RGS7: variants seen among roughly 807,000 people sequenced by gnomAD.
RGS7 encodes the protein regulator of G protein signaling 7, also known as regulator of G-protein signaling 7.
A neutral mutation model predicts 81.1 loss-of-function variants in RGS7; 27 were observed. The observed-to-expected ratio is 0.33, with a 90% CI of 0.25 to 0.46. RGS7 has a LOEUF of 0.46. Among genes scored for constraint, RGS7 ranks in the 20% least tolerant of loss-of-function variants. RGS7 has a pLI of 1.00. For missense variants in RGS7, 396 were observed against 607.4 expected (o/e 0.65, Z 3.66); for synonymous variants, 208 against 207.7 (o/e 1.00, Z -0.01).
intron 18 of RGS7, among the ~76,000 whole-genome samples, chr1:240,794,429 T>C (rs1686645835): frequency 6.6e-6 from 1 of 152,230 alleles, no homozygotes; most frequent in African/African-American, 2.4e-5. Context: ...ATGATATCAA[T>C]GTAGCAGATG....
At chr1:241,259,024 G>A (rs560000654) in intron 2 of RGS7, among the ~76,000 whole-genome samples, 2 of 152,124 alleles carry the variant, frequency 1.3e-5, no homozygotes, top group African/African-American at 2.4e-5. Context: ...ACAGGTATGC[G>A]CCCCAGTTCC....
chr1:241,352,219 T>C (rs776910972), intron 2 of RGS7, among the ~76,000 whole-genome samples: 4 of 152,212 alleles, frequency 2.6e-5, no homozygotes, highest in Non-Finnish European at 5.9e-5. Flanking sequence ...CCTCTACAGA[T>C]TCTTCAAGAA....
At chr1:241,016,608 C>T (rs750157336) in intron 3 of RGS7, among the ~76,000 whole-genome samples, 4 of 151,374 alleles carry the variant, frequency 2.6e-5, no homozygotes, top group Non-Finnish European at 5.9e-5. Context: ...CAAAAGAAAA[C>T]AAGTACCAGA....
At chr1:241,109,545 A>T (rs1163408645) in intron 2 of RGS7, among the ~76,000 whole-genome samples, 2 of 152,098 alleles carry the variant, frequency 1.3e-5, no homozygotes, top group African/African-American at 4.8e-5. Flanking sequence ...TATCTGTGGC[A>T]TGGTCCATGA....
chr1:240,862,620 C>T (rs1325732160), intron 9 of RGS7, among the ~76,000 whole-genome samples: 1 of 151,932 alleles, frequency 6.6e-6, no homozygotes, highest in East Asian at 1.9e-4. Context: ...GAAAAACATT[C>T]AACAAAAATG....
At chr1:240,955,551 C>CAAAAAAAAAAAAAAAAAAAAAA (rs369155474) in intron 4 of RGS7, among the ~76,000 whole-genome samples, 25 of 140,284 alleles carry the variant, frequency 1.8e-4, no homozygotes, top group Non-Finnish European at 2.6e-4. Context: ...GACTCTGTCT[C>CAAAAAAAAAAAAAAAAAAAAAA]AAAAAAAAAA....
At chr1:240,895,472 G>A (rs187371832) in intron 6 of RGS7, among the ~76,000 whole-genome samples, 1 of 151,882 alleles carries the variant, frequency 6.6e-6, no homozygotes, top group East Asian at 1.9e-4. Context: ...GGTGTGTGAT[G>A]TTCCCCATCC....
chr1:241,220,987 AAGGAAGGAAGAG>A (rs2074900326), intron 2 of RGS7, among the ~76,000 whole-genome samples: 2 of 60,108 alleles, frequency 3.3e-5, no homozygotes, highest in Admixed American at 3.1e-4. Context: ...GGAAGGAAGG[AAGGAAGGAAGAG>A]AGAGAGAAAG....
At chr1:240,803,115 G>A in intron 15 of RGS7, 122 bp from the exon 16 acceptor site, 2 of 716,540 alleles carry the variant, frequency 2.8e-6, no homozygotes, top group South Asian at 1.5e-5. Context: ...TAACAATGCT[G>A]ATTAGAATAC....
chr1:241,208,807 C>T (rs1261059610), intron 2 of RGS7, among the ~76,000 whole-genome samples: 5 of 152,086 alleles, frequency 3.3e-5, no homozygotes, highest in Non-Finnish European at 7.4e-5. Context: ...ACAAAGGTTT[C>T]GTAAGAGAAA....
At chr1:241,139,956 T>C (rs1364037899) in intron 2 of RGS7, among the ~76,000 whole-genome samples, 2 of 152,236 alleles carry the variant, frequency 1.3e-5, no homozygotes, top group African/African-American at 4.8e-5. Flanking sequence ...TTTTAGAGAA[T>C]GGCACCCAAT....
chr1:241,162,053 G>C (rs981576664), intron 2 of RGS7, among the ~76,000 whole-genome samples: 1 of 152,094 alleles, frequency 6.6e-6, no homozygotes, highest in Non-Finnish European at 1.5e-5. Flanking sequence ...CTAGGCAGAC[G>C]TGAGCAGGTC....
At chr1:240,951,819 A>G (rs1283325786) in intron 4 of RGS7, among the ~76,000 whole-genome samples, 1 of 152,020 alleles carries the variant, frequency 6.6e-6, no homozygotes, top group African/African-American at 2.4e-5. Flanking sequence ...AAATAACAAA[A>G]AAATCTAAAT....
intron 2 of RGS7, among the ~76,000 whole-genome samples, chr1:241,229,672 C>T (rs1007616958): frequency 2.6e-5 from 4 of 152,308 alleles, no homozygotes; most frequent in Admixed American, 2.0e-4. Flanking sequence ...TTCTTTCCTC[C>T]CCCAGGGAAA....
intron 6 of RGS7, among the ~76,000 whole-genome samples, chr1:240,881,598 T>C (rs1476562106): frequency 6.6e-6 from 1 of 152,196 alleles, no homozygotes; most frequent in Non-Finnish European, 1.5e-5. Context: ...AATTTAAAGA[T>C]TTAGACATTA....
chr1:241,158,479 G>T (rs939510367), intron 2 of RGS7, among the ~76,000 whole-genome samples: 1 of 152,152 alleles, frequency 6.6e-6, no homozygotes. Flanking sequence ...AAACCCAAGC[G>T]CTATCTTTCT....
At chr1:240,981,653 G>A (rs1201156426) in intron 4 of RGS7, among the ~76,000 whole-genome samples, 1 of 152,144 alleles carries the variant, frequency 6.6e-6, no homozygotes, top group East Asian at 1.9e-4. Flanking sequence ...TTCACCTGGT[G>A]ATAATATGAT....
chr1:241,079,295 A>G (rs1301160230), intron 3 of RGS7, among the ~76,000 whole-genome samples: 2 of 152,178 alleles, frequency 1.3e-5, no homozygotes, highest in African/African-American at 4.8e-5. Context: ...AGTCATTAAC[A>G]TTTTCTGAAT....
At chr1:241,081,526 A>C (rs949413481) in intron 3 of RGS7, among the ~76,000 whole-genome samples, 26 of 152,216 alleles carry the variant, frequency 1.7e-4, no homozygotes. Context: ...GGAAACACTA[A>C]ATAAAGTACA....
Sources: allele counts gnomAD v4.1 joint callset (sites outside exome capture counted in the v4.1 genomes callset), GRCh38; gene constraint gnomAD v4.1.1; transcripts MANE v1.5; gene names NCBI Gene and HGNC (gene_info 2026-07-23, HGNC 2026-07-21).